CNTN5: variants seen among roughly 807,000 people sequenced by gnomAD.
The protein encoded by CNTN5 is contactin-5.
A neutral mutation model predicts 129.1 loss-of-function variants in CNTN5; 77 were observed. That is an observed-to-expected ratio of 0.60 (90% CI 0.50 to 0.72). The LOEUF is 0.72. Among genes scored for constraint, CNTN5 ranks in the 30% least tolerant of loss-of-function variants. CNTN5 has a pLI of 0.00. For synonymous variants in CNTN5, 509 were observed against 465.6 expected (o/e 1.09, Z -1.20); for missense variants, 1,478 against 1,328.8 (o/e 1.11, Z -1.75).
intron 13 of CNTN5, among the ~76,000 whole-genome samples, chr11:100,107,862 ATGTG>A (rs558564520): frequency 5.9e-4 from 90 of 152,184 alleles, no homozygotes; most frequent in African/African-American, 2.1e-3. Context: ...ATATGTATGC[ATGTG>A]TGTGTGCTTA....
intron 8 of CNTN5, among the ~76,000 whole-genome samples, chr11:99,997,140 T>C (rs539436776): frequency 2.9e-4 from 44 of 152,296 alleles, no homozygotes; most frequent in African/African-American, 1.0e-3. Context: ...TTTTCTTTAT[T>C]AGTCTTGCTA....
Position 99,127,927 on chromosome 11 carries a change from G to T in CNTN5, c.-210+106657G>T, listed in dbSNP as rs149371948. ...CTTTTTTAGGGCTAACTTTCTTCAG[G>T]GCTCTCTACTGGGCTTAGAAGGTGT... On this transcript the variant is annotated intron_variant, in intron 1 of 24. Coordinates refer to ENST00000524871, the MANE Select transcript of CNTN5 (RefSeq NM_014361.4). Among the ~76,000 whole-genome samples, 294 of 151,660 alleles carry T rather than the reference G, an allele frequency of 1.9e-3. 1 individual carries two copies. The highest frequency in any genetic ancestry group is 6.3e-3 in the African/African-American group (259 of 41,354).
At chr11:99,416,239 A>AAC (rs1448024814) in intron 2 of CNTN5, among the ~76,000 whole-genome samples, 1 of 152,108 alleles carries the variant, frequency 6.6e-6, no homozygotes, top group African/African-American at 2.4e-5. Flanking sequence ...GTATTTTTTC[A>AAC]ACATATATTA....
intron 1 of CNTN5, among the ~76,000 whole-genome samples, chr11:99,071,452 T>C (rs2135248460): frequency 6.6e-6 from 1 of 152,114 alleles, no homozygotes; most frequent in African/African-American, 2.4e-5. Context: ...AACAAAAAAA[T>C]TGCACAAGTT....
intron 6 of CNTN5, among the ~76,000 whole-genome samples, chr11:99,867,589 A>C (rs766501623): frequency 1.6e-4 from 24 of 152,034 alleles, no homozygotes; most frequent in Admixed American, 9.2e-4. Flanking sequence ...TCCATCTTAA[A>C]AGCTAGAACC....
chr11:100,310,509 G>A (rs1033369336), intron 21 of CNTN5, among the ~76,000 whole-genome samples: 1 of 151,906 alleles, frequency 6.6e-6, no homozygotes, highest in East Asian at 1.9e-4. Flanking sequence ...TTAAGTACCA[G>A]ACAATGAGCT....
At chr11:99,483,419 C>T (rs1462003399) in intron 2 of CNTN5, among the ~76,000 whole-genome samples, 2 of 152,008 alleles carry the variant, frequency 1.3e-5, no homozygotes, top group Non-Finnish European at 2.9e-5. Flanking sequence ...AGGCATTTTT[C>T]CCTTACCAGT....
chr11:99,026,572 C>T (rs1256634348), intron 1 of CNTN5, among the ~76,000 whole-genome samples: 1 of 151,466 alleles, frequency 6.6e-6, no homozygotes, highest in Non-Finnish European at 1.5e-5. Flanking sequence ...AAATTCAGCA[C>T]AAATCTCATG....
At chr11:100,263,246 C>G (rs1944192) in intron 17 of CNTN5, among the ~76,000 whole-genome samples, 102,814 of 152,010 alleles carry the variant, frequency 0.68, 35,629 homozygotes, top group East Asian at 0.92. Context: ...TTGTTTTAAA[C>G]TCTAATGACC....
At chr11:100,174,760 C>T (rs1182557488) in intron 13 of CNTN5, among the ~76,000 whole-genome samples, 3 of 152,086 alleles carry the variant, frequency 2.0e-5, no homozygotes. Context: ...TGAAATTATT[C>T]GGTCGCTTAG....
intron 1 of CNTN5, among the ~76,000 whole-genome samples, chr11:99,207,603 A>C (rs1188108073): frequency 1.3e-5 from 2 of 152,154 alleles, no homozygotes; most frequent in Admixed American, 1.3e-4. Context: ...TTTATAGTAG[A>C]TGGATTTTGC....
chr11:99,074,284 TC>T (rs772088886), intron 1 of CNTN5, among the ~76,000 whole-genome samples: 2 of 152,148 alleles, frequency 1.3e-5, no homozygotes, highest in Non-Finnish European at 2.9e-5. Context: ...TAGACCTTTG[TC>T]AGATGGGTAG....
At chr11:99,358,829 T>G (rs1938898352) in intron 2 of CNTN5, among the ~76,000 whole-genome samples, 1 of 152,160 alleles carries the variant, frequency 6.6e-6, no homozygotes, top group Non-Finnish European at 1.5e-5. Context: ...GAAAATTAGA[T>G]TACACCTAGG....
intron 1 of CNTN5, among the ~76,000 whole-genome samples, chr11:99,281,947 G>A (rs778652237): frequency 7.2e-5 from 11 of 151,856 alleles, no homozygotes; most frequent in South Asian, 2.1e-4. Context: ...CAGAATTTTC[G>A]GAAGTAGAAG....
intron 8 of CNTN5, among the ~76,000 whole-genome samples, chr11:99,970,887 C>A (rs541595208): frequency 6.6e-6 from 1 of 152,110 alleles, no homozygotes; most frequent in African/African-American, 2.4e-5. Flanking sequence ...TCACTCCAAG[C>A]CTTCCTCACA....
intron 4 of CNTN5, among the ~76,000 whole-genome samples, chr11:99,842,402 G>A (rs562396059): frequency 6.6e-6 from 1 of 152,104 alleles, no homozygotes; most frequent in African/African-American, 2.4e-5. Flanking sequence ...AATATACAAG[G>A]TATTTGCAAA....
intron 15 of CNTN5, among the ~76,000 whole-genome samples, chr11:100,198,340 G>A (rs1948697378): frequency 1.3e-5 from 2 of 151,836 alleles, no homozygotes; most frequent in African/African-American, 2.4e-5. Flanking sequence ...GTGGAGAAAA[G>A]CAAAATAAAT....
intron 1 of CNTN5, among the ~76,000 whole-genome samples, chr11:99,132,632 C>A (rs1859003803): frequency 6.6e-6 from 1 of 152,048 alleles, no homozygotes; most frequent in African/African-American, 2.4e-5. Context: ...AGAGCCAAAT[C>A]ATGAATGAAC....
chr11:99,282,604 G>T (rs1334219722), intron 1 of CNTN5, among the ~76,000 whole-genome samples: 2 of 152,052 alleles, frequency 1.3e-5, no homozygotes, highest in African/African-American at 4.8e-5. Context: ...TTTTTAAAGT[G>T]ACATTCTTAT....
Sources: allele counts gnomAD v4.1 joint callset (sites outside exome capture counted in the v4.1 genomes callset), GRCh38; gene constraint gnomAD v4.1.1; transcripts MANE v1.5; gene names NCBI Gene and HGNC (gene_info 2026-07-23, HGNC 2026-07-21).